GRIA3: variants seen among roughly 807,000 people sequenced by gnomAD.
GRIA3 encodes the protein glutamate receptor 3.
GRIA3 carries 3 observed loss-of-function variants against 63.0 expected under a neutral mutation model. The observed-to-expected ratio is 0.05, with a 90% confidence interval of 0.02 to 0.12. GRIA3 has a LOEUF of 0.12. Among genes scored for constraint, GRIA3 ranks in the 10% least tolerant of loss-of-function variants. The pLI is 1.00. For synonymous variants in GRIA3, 274 were observed against 257.9 expected, an observed-to-expected ratio of 1.06 and a Z score of -0.60; for missense variants, 347 against 700.9, an observed-to-expected ratio of 0.50 and a Z score of 5.70.
chrX:123,253,678 C>T lies in GRIA3; in HGVS notation c.508+136C>T, dbSNP rs2044403383. The T allele has an allele frequency of 1.1e-5, 6 of 558,545 alleles. No homozygotes were observed. In the South Asian group the frequency reaches 1.5e-4, roughly 14 times the overall value. 46.0% of individuals were successfully genotyped at this position (558,545 alleles called of 1,213,427 possible). ...ATTGTATTTAATATTCCAAATAAATCAAAGGTTAAGATTAAAAAATAAAAG... is the reference window on the plus strand; with the variant it reads ...ATTGTATTTAATATTCCAAATAAATTAAAGGTTAAGATTAAAAAATAAAAG... On this transcript the variant is annotated intron_variant, in intron 3 of 15. Transcript: ENST00000620443.
At chrX:123,436,716 G>A (rs1265141827) in intron 12 of GRIA3, among the ~76,000 whole-genome samples, 1 of 111,968 alleles carries the variant, frequency 8.9e-6, no homozygotes, top group African/African-American at 3.2e-5. Context: ...CTCACAGACA[G>A]CATCAGGGTA....
At chrX:123,267,229 A>G (rs1427121730) in intron 3 of GRIA3, among the ~76,000 whole-genome samples, 2 of 112,051 alleles carry the variant, frequency 1.8e-5, no homozygotes, top group African/African-American at 6.5e-5. Flanking sequence ...CATGGCCTTG[A>G]GTAGGCTGTG....
chrX:123,450,359 A>G (rs755243534), intron 12 of GRIA3, among the ~76,000 whole-genome samples: 52 of 112,505 alleles, frequency 4.6e-4, no homozygotes, highest in Non-Finnish European at 8.1e-4. Flanking sequence ...ACTTCACTCA[A>G]TTCACTAGTT....
chrX:123,260,746 T>C (rs1272643246), intron 3 of GRIA3, among the ~76,000 whole-genome samples: 1 of 108,824 alleles, frequency 9.2e-6, no homozygotes, highest in African/African-American at 3.3e-5. Flanking sequence ...AGCGAGTACA[T>C]TATCGTGTGA....
At chrX:123,188,512 G>A (rs1179368160) in intron 2 of GRIA3, among the ~76,000 whole-genome samples, 16 of 110,770 alleles carry the variant, frequency 1.4e-4, no homozygotes, top group Non-Finnish European at 2.8e-4. Context: ...GTGACCCCCA[G>A]GTTCCACTCC....
chrX:123,185,755 T>C (rs1927253316), intron 1 of GRIA3, 77 bp from the exon 2 acceptor site: 1 of 781,545 alleles, frequency 1.3e-6, no homozygotes, highest in African/African-American at 2.1e-5. Context: ...GTATCCGGTA[T>C]CTATATTGTT....
chrX:123,229,577 A>G (rs2044265955), intron 2 of GRIA3, among the ~76,000 whole-genome samples: 1 of 112,084 alleles, frequency 8.9e-6, no homozygotes, highest in Admixed American at 9.4e-5. Context: ...TAGGGAAAAG[A>G]AACTGGGAGT....
chrX:123,239,091 A>G (rs911415262), intron 2 of GRIA3, among the ~76,000 whole-genome samples: 5 of 111,064 alleles, frequency 4.5e-5, no homozygotes, highest in African/African-American at 1.6e-4. Context: ...ACACAGAGTG[A>G]ATATCAGAAT....
intron 2 of GRIA3, among the ~76,000 whole-genome samples, chrX:123,219,699 C>T (rs184317929): frequency 1.8e-5 from 2 of 112,038 alleles, no homozygotes; most frequent in East Asian, 5.6e-4. Flanking sequence ...GCAGCTAATA[C>T]AGTAATGCCT....
chrX:123,312,106 A>G (rs144011088), intron 3 of GRIA3, among the ~76,000 whole-genome samples: 111 of 112,108 alleles, frequency 9.9e-4, no homozygotes, highest in African/African-American at 3.5e-3. Flanking sequence ...ATAAATGTTC[A>G]TTTCTATCCT....
chrX:123,452,658 TTAGTAA>T (rs1054831114), intron 12 of GRIA3, among the ~76,000 whole-genome samples: 3 of 112,187 alleles, frequency 2.7e-5, no homozygotes, highest in Non-Finnish European at 5.6e-5. Context: ...TTTGAATATC[TTAGTAA>T]TAGAAAATAA....
chrX:123,406,720 AG>A (rs1407123783), intron 10 of GRIA3, among the ~76,000 whole-genome samples: 2 of 111,406 alleles, frequency 1.8e-5, no homozygotes, highest in Non-Finnish European at 3.8e-5. Context: ...GAACTGAGGC[AG>A]GGCTAAGTGG....
intron 2 of GRIA3, among the ~76,000 whole-genome samples, chrX:123,215,830 ACC>A (rs1928145407): frequency 9.0e-6 from 1 of 111,682 alleles, no homozygotes; most frequent in Admixed American, 9.4e-5. Context: ...ATCCAAGGAC[ACC>A]CAATGTCATC....
chrX:123,426,589 TAGA>T (rs1261189232), intron 11 of GRIA3, among the ~76,000 whole-genome samples: 1 of 112,182 alleles, frequency 8.9e-6, no homozygotes, highest in African/African-American at 3.2e-5. Context: ...ATCACTGATG[TAGA>T]AGAACAATGT....
At chrX:123,452,983 C>T (rs981971762) in intron 12 of GRIA3, among the ~76,000 whole-genome samples, 2 of 112,089 alleles carry the variant, frequency 1.8e-5, no homozygotes, top group African/African-American at 6.5e-5. Flanking sequence ...GTCAGTGTGG[C>T]GATTCCTCAA....
chrX:123,415,284 T>C lies in GRIA3; in HGVS notation c.1501-2118T>C, dbSNP rs147266151. 7.2e-5 allele frequency among the ~76,000 whole-genome samples: 8 copies of C among 111,884 alleles called. No homozygotes were observed. The East Asian group carries it at 2.3e-3, about 32-fold the overall frequency. ...TACTTTAAGAGCCACCGGAATAGATTAGTGGAGAAGGGAAAAATTAAAGAT... is the reference window on the plus strand; with the variant it reads ...TACTTTAAGAGCCACCGGAATAGATCAGTGGAGAAGGGAAAAATTAAAGAT... On this transcript the variant is annotated intron_variant, in intron 10 of 15. Transcript: ENST00000620443.
At chrX:123,361,096 G>A (rs1426181654) in intron 5 of GRIA3, 1 of 110,840 alleles carries the variant, frequency 9.0e-6, no homozygotes, top group Non-Finnish European at 1.9e-5. Flanking sequence ...GCTTGAGGAA[G>A]TGAACTCTGC....
At chrX:123,451,993 T>A (rs1372386323) in intron 12 of GRIA3, among the ~76,000 whole-genome samples, 3 of 111,786 alleles carry the variant, frequency 2.7e-5, no homozygotes, top group Non-Finnish European at 5.6e-5. Flanking sequence ...GAGATAATAT[T>A]GGTTTCACAA....
intron 2 of GRIA3, among the ~76,000 whole-genome samples, chrX:123,244,120 ATTAG>A (rs1378304490): frequency 8.9e-6 from 1 of 112,857 alleles, no homozygotes; most frequent in African/African-American, 3.2e-5. Context: ...TGCAAAAATA[ATTAG>A]TTAGACTTTC....
Sources: allele counts gnomAD v4.1 joint callset (sites outside exome capture counted in the v4.1 genomes callset), GRCh38; gene constraint gnomAD v4.1.1; transcripts MANE v1.5; gene names NCBI Gene and HGNC (gene_info 2026-07-23, HGNC 2026-07-21).